The following MBD3L5 variants were observed in gnomAD, a reference collection of about 807,000 sequenced individuals.
The protein encoded by MBD3L5 is methyl-CpG binding domain protein 3 like 5.
For missense variants in MBD3L5, 1 was observed against 20.1 expected (o/e 0.05, Z 1.82); for synonymous variants, 4 against 8.2 (o/e 0.49, Z 0.88).
In MBD3L5 at chr19:7,032,717, A is replaced by AG; in HGVS notation, c.456dup (p.Pro153AlafsTer69). 1 of 301,576 alleles carries AG rather than the reference A, an allele frequency of 3.3e-6. No homozygotes were observed. The highest frequency in any genetic ancestry group is 5.6e-6 in the Non-Finnish European group (1 of 177,974). 18.7% of individuals were successfully genotyped at this position (301,576 alleles called of 1,614,324 possible). ...CCCCTGGGCGGTTTCCAGCTGTGGCAGGGGGGCCAACCCCAGGAATGGGTT... is the reference window on the plus strand; with the variant it reads ...CCCCTGGGCGGTTTCCAGCTGTGGCAGGGGGGGCCAACCCCAGGAATGGGTT... On this transcript the variant is annotated frameshift_variant, in exon 2 of 2. Coordinates refer to ENST00000329753, the MANE Select transcript of MBD3L5 (RefSeq NM_001136507.2). LOFTEE classifies it low-confidence loss of function (END_TRUNC).
chr19:7,031,095 TCTC>T (rs1976817679), intron 1 of MBD3L5, among the ~76,000 whole-genome samples: 2 of 137,164 alleles, frequency 1.5e-5, no homozygotes, highest in Non-Finnish European at 3.1e-5. Flanking sequence ...TTTCTCTGTT[TCTC>T]CTCCTTCCAT....
chr19:7,031,086 TTC>T (rs1339695247), intron 1 of MBD3L5, among the ~76,000 whole-genome samples: 1 of 138,320 alleles, frequency 7.2e-6, no homozygotes, highest in East Asian at 2.1e-4. Context: ...TCTTTTCTGT[TTC>T]TCTGTTTCTC....
intron 1 of MBD3L5, among the ~76,000 whole-genome samples, 185 bp downstream of exon 1, chr19:7,030,841 G>A (rs531128924): frequency 3.3e-5 from 5 of 152,028 alleles, no homozygotes; most frequent in African/African-American, 9.7e-5. Flanking sequence ...GAAACTGTAT[G>A]GGGATAATAG....
chr19:7,030,858 A>C (rs865947119), intron 1 of MBD3L5, among the ~76,000 whole-genome samples: 101 of 151,320 alleles, frequency 6.7e-4, no homozygotes, highest in Admixed American at 1.1e-3. Context: ...ATAGCTTTGA[A>C]TTTTTTTTAA....
chr19:7,030,943 A>T (rs1976815538), intron 1 of MBD3L5, among the ~76,000 whole-genome samples: 1 of 150,782 alleles, frequency 6.6e-6, no homozygotes, highest in Non-Finnish European at 1.5e-5. Flanking sequence ...TTCTCTGGAA[A>T]GCTCCTGAAC....
At chr19:7,030,985 A>G (rs1452535869) in intron 1 of MBD3L5, among the ~76,000 whole-genome samples, 8 of 93,418 alleles carry the variant, frequency 8.6e-5, no homozygotes, top group Admixed American at 8.4e-4. Flanking sequence ...TTTTAAAAAA[A>G]CAAAAAACAA....
chr19:7,030,993 C>CAA (rs201225494), intron 1 of MBD3L5, among the ~76,000 whole-genome samples: 14 of 109,440 alleles, frequency 1.3e-4, no homozygotes, highest in East Asian at 6.3e-4. Flanking sequence ...AAACAAAAAA[C>CAA]AAAAAAAATT....
At chr19:7,030,999 A>C (rs1976816436) in intron 1 of MBD3L5, among the ~76,000 whole-genome samples, 1 of 129,176 alleles carries the variant, frequency 7.7e-6, no homozygotes, top group Non-Finnish European at 1.6e-5. Flanking sequence ...AAAACAAAAA[A>C]AATTAGTTCT....
rs1785272627 is a variant in MBD3L5 at position 7,030,635 on chromosome 19, T to C, written c.24T>C (p.Ser8=). 3.3e-6 allele frequency: 2 copies of C among 611,866 alleles called. No individual in the cohort carries two copies. Among genetic ancestry groups the C allele is most frequent in the Non-Finnish European group, 6.0e-6 (2 of 334,122 alleles). The allele number at this position is 611,866 out of a possible 1,614,324, so 37.9% of individuals were successfully genotyped here. A position where few individuals can be genotyped will look rare whatever the true frequency, so the allele number is the denominator to read the frequency against. The change falls in exon 1 of 2, where the codon TCT becomes TCC. Residue 8 remains serine (S), a synonymous_variant. Coordinates refer to ENST00000329753, the MANE Select transcript of MBD3L5 (RefSeq NM_001136507.2). ...CTATGGGAGAGCCTGCGTTCACCTC[T>C]TTTCCGAGCCCACCTGTTCTGGTGA... The part of the protein sequence containing the change: MGEPAFT[S]FPSPPVLGKL...
intron 1 of MBD3L5, among the ~76,000 whole-genome samples, 169 bp downstream of exon 1, chr19:7,030,825 G>A (rs1976814134): frequency 6.6e-6 from 1 of 151,816 alleles, no homozygotes; most frequent in African/African-American, 2.4e-5. Context: ...TCTCATTTTT[G>A]CCCATGAAAC....
Position 7,032,834 on chromosome 19 carries a change from G to C in MBD3L5, c.567G>C (p.Leu189=). The change falls in exon 2 of 2, where the codon CTG becomes CTC. Residue 189 remains leucine (L), a synonymous_variant. Transcript: ENST00000329753. ...ARRVKKARER[L]AKALQADRLA... ...GGGTGAAGAAAGCCAGGGAGAGACT[G>C]GCCAAGGCCTTGCAGGCAGACAGGC... 2.4e-6 allele frequency: 1 copy of C among 418,272 alleles called. No homozygotes were observed. The highest frequency in any genetic ancestry group is 4.1e-6 in the Non-Finnish European group (1 of 242,080). The allele number at this position is 418,272 out of a possible 1,614,324, so 25.9% of individuals were successfully genotyped here. A position where few individuals can be genotyped will look rare whatever the true frequency, so the allele number is the denominator to read the frequency against.
At chr19:7,031,298 C>T (rs1473585754) in intron 1 of MBD3L5, among the ~76,000 whole-genome samples, 2 of 14,082 alleles carry the variant, frequency 1.4e-4, no homozygotes, top group Admixed American at 6.7e-4. Flanking sequence ...ATAAGTGCCC[C>T]GTAACTAAGG....
chr19:7,030,918 C>T (rs1331453875), intron 1 of MBD3L5, among the ~76,000 whole-genome samples: 2 of 151,780 alleles, frequency 1.3e-5, no homozygotes, highest in Admixed American at 6.5e-5. Flanking sequence ...GCCTTGCAGT[C>T]TTCAAATTGT....
At chr19:7,030,885 G>C (rs1388843836) in intron 1 of MBD3L5, among the ~76,000 whole-genome samples, 4 of 151,952 alleles carry the variant, frequency 2.6e-5, no homozygotes, top group African/African-American at 9.7e-5. Context: ...AACATCACTA[G>C]GAAAGGGAAG....
At chr19:7,030,867 A>C (rs1976814726) in intron 1 of MBD3L5, among the ~76,000 whole-genome samples, 1 of 151,996 alleles carries the variant, frequency 6.6e-6, no homozygotes, top group African/African-American at 2.4e-5. Flanking sequence ...AATTTTTTTT[A>C]AAAATCCAAC....
chr19:7,032,594 G>A lies in MBD3L5; in HGVS notation c.327G>A (p.Leu109=). ...GCCAAGGAGAAGGTTCAAGTCCACT[G>A]CATTTGGAGAGCGTCTTAAGTATCC... is the stretch of plus-strand genomic sequence containing the variant. ...CSSQGEGSSP[L]HLESVLSILA... Residue 109 remains leucine, a synonymous_variant, in exon 2 of 2, where the codon CTG becomes CTA. Coordinates refer to ENST00000329753, the MANE Select transcript of MBD3L5 (RefSeq NM_001136507.2). The A allele has an allele frequency of 4.1e-6, 1 of 241,708 alleles. No individual in the cohort carries two copies. Among genetic ancestry groups the A allele is most frequent in the Non-Finnish European group, 6.8e-6 (1 of 146,540 alleles). The allele number at this position is 241,708 out of a possible 1,614,324, so 15.0% of individuals were successfully genotyped here.
Position 7,032,914 on chromosome 19 carries a change from G to C in MBD3L5, c.*20G>C, listed in dbSNP as rs1420723380. The C allele has an allele frequency of 2.0e-6, 1 of 488,340 alleles. No individual in the cohort carries two copies. The highest frequency in any genetic ancestry group is 1.7e-5 in the South Asian group (1 of 57,922). The allele number at this position is 488,340 out of a possible 1,614,324, so 30.3% of individuals were successfully genotyped here. ...GGGTGAAGCTCAGTCCTGGGCTTTC[G>C]GTCCCTTTCTTTTAATGCCCATCCT... On this transcript the variant is annotated 3_prime_UTR_variant, in exon 2 of 2. Transcript: ENST00000329753.
chr19:7,030,775 A>C lies in MBD3L5; in HGVS notation c.45+119A>C, dbSNP rs573106479. The C allele has an allele frequency of 1.8e-3, 1,039 of 588,764 alleles. 2 individuals are homozygous for C. The highest frequency in any genetic ancestry group is 1.3e-3 in the Non-Finnish European group (417 of 316,900). The allele number at this position is 588,764 out of a possible 1,614,324, so 36.5% of individuals were successfully genotyped here. A position where few individuals can be genotyped will look rare whatever the true frequency, so the allele number is the denominator to read the frequency against. On this transcript the variant is annotated intron_variant, in intron 1 of 1. Coordinates refer to ENST00000329753, the MANE Select transcript of MBD3L5 (RefSeq NM_001136507.2). ...AAAACTGGATGTTGTGGAACGTTATACCTCAGGTGTTAATATCTGTTGAAT... is the reference window on the plus strand; with the variant it reads ...AAAACTGGATGTTGTGGAACGTTATCCCTCAGGTGTTAATATCTGTTGAAT...
At chr19:7,030,940 GA>G (rs1466317272) in intron 1 of MBD3L5, among the ~76,000 whole-genome samples, 1 of 150,684 alleles carries the variant, frequency 6.6e-6, no homozygotes, top group Non-Finnish European at 1.5e-5. Context: ...TCCTTCTCTG[GA>G]AAGCTCCTGA....
Sources: gnomAD v4.1 joint callset for allele counts (sites outside exome capture counted in the v4.1 genomes callset) on GRCh38, gnomAD v4.1.1 for gene constraint, MANE v1.5 for transcripts, NCBI Gene and HGNC (gene_info 2026-07-23, HGNC 2026-07-21) for gene names.